The following SAMD4A variants were observed in gnomAD, a reference collection of about 807,000 sequenced individuals.
SAMD4A encodes the protein protein Smaug homolog 1.
In SAMD4A, 33 loss-of-function variants were observed where a neutral mutation model predicts 81.3. The observed-to-expected ratio is 0.41, with a 90% CI of 0.31 to 0.54. The LOEUF is 0.54. SAMD4A is among the 20% of genes least tolerant of loss of function. SAMD4A has a pLI of 0.37. For missense variants in SAMD4A, 854 were observed against 951.1 expected, an observed-to-expected ratio of 0.90 and a Z score of 1.34; for synonymous variants, 389 against 382.1, an observed-to-expected ratio of 1.02 and a Z score of -0.21.
chr14:54,662,285 A>G (rs955350769), intron 2 of SAMD4A, among the ~76,000 whole-genome samples: 3 of 152,176 alleles, frequency 2.0e-5, no homozygotes, highest in Middle Eastern at 3.2e-3. Flanking sequence ...ACTTGAAGGG[A>G]TAGAGGTCCA....
intron 2 of SAMD4A, among the ~76,000 whole-genome samples, chr14:54,673,866 C>G (rs1029234211): frequency 6.6e-6 from 1 of 152,218 alleles, no homozygotes; most frequent in African/African-American, 2.4e-5. Context: ...AACTTCAGAC[C>G]TCAGCTCATG....
At chr14:54,696,228 T>A (rs2036575070) in intron 2 of SAMD4A, among the ~76,000 whole-genome samples, 1 of 152,160 alleles carries the variant, frequency 6.6e-6, no homozygotes, top group Non-Finnish European at 1.5e-5. Flanking sequence ...ATGTTGGTAT[T>A]TTTGCCCTGA....
chr14:54,687,304 A>G, intron 2 of SAMD4A: 1 of 455,900 alleles, frequency 2.2e-6, no homozygotes, highest in Non-Finnish European at 4.4e-6. Context: ...TCTTACCTCA[A>G]AACTGCAGAC....
intron 2 of SAMD4A, among the ~76,000 whole-genome samples, chr14:54,629,154 GTAT>G (rs1355419095): frequency 1.3e-5 from 2 of 152,098 alleles, no homozygotes; most frequent in Non-Finnish European, 2.9e-5. Context: ...AGAGCACCAG[GTAT>G]TAATAATCAC....
In SAMD4A at chr14:54,666,950, G is replaced by A. The variant is rs552896835; in HGVS notation, c.197-35112G>A. 3.9e-5 allele frequency among the ~76,000 whole-genome samples: 6 copies of A among 152,150 alleles called. 1 individual carries two copies. The South Asian group carries it at 1.3e-3, about 32-fold the overall frequency. ...AAGTTAAATAAGTGTAACATTTTTG[G>A]TGGTCCTTTTCTTCACTTGAGCAGA... On this transcript the variant is annotated intron_variant, in intron 2 of 12. Transcript: ENST00000554335.
At chr14:54,681,206 G>A (rs558195790) in intron 2 of SAMD4A, among the ~76,000 whole-genome samples, 135 of 86,586 alleles carry the variant, frequency 1.6e-3, no homozygotes, top group African/African-American at 6.8e-3. Flanking sequence ...CCCCCCAACC[G>A]TGTGTCACTT....
At chr14:54,589,112 A>G (rs2033705583) in intron 2 of SAMD4A, among the ~76,000 whole-genome samples, 1 of 152,324 alleles carries the variant, frequency 6.6e-6, no homozygotes, top group East Asian at 1.9e-4. Flanking sequence ...CTTATCTTAG[A>G]AAGTTTTACA....
intron 2 of SAMD4A, among the ~76,000 whole-genome samples, chr14:54,604,779 A>G (rs774402440): frequency 6.6e-6 from 1 of 152,248 alleles, no homozygotes; most frequent in Non-Finnish European, 1.5e-5. Context: ...AAAAGAGTAT[A>G]TAACACTTAT....
At chr14:54,728,207 C>T (rs528367389) in intron 3 of SAMD4A, among the ~76,000 whole-genome samples, 2 of 152,246 alleles carry the variant, frequency 1.3e-5, no homozygotes, top group East Asian at 1.9e-4. Context: ...CAGAGAAGAA[C>T]GGTACGGTTT....
chr14:54,750,378 T>A (rs1247707339), intron 5 of SAMD4A, among the ~76,000 whole-genome samples: 1 of 152,248 alleles, frequency 6.6e-6, no homozygotes, highest in Admixed American at 6.5e-5. Flanking sequence ...AGAAGAATTC[T>A]ATGGAATAGT....
At chr14:54,779,288 C>T (rs955069805) in intron 11 of SAMD4A, among the ~76,000 whole-genome samples, 2 of 152,180 alleles carry the variant, frequency 1.3e-5, no homozygotes, top group Non-Finnish European at 2.9e-5. Context: ...TGTACATGAA[C>T]AGGAGTAATA....
At chr14:54,625,259 T>C (rs780654759) in intron 2 of SAMD4A, among the ~76,000 whole-genome samples, 31 of 152,234 alleles carry the variant, frequency 2.0e-4, no homozygotes, top group Non-Finnish European at 3.7e-4. Context: ...ATTTCAGCAG[T>C]TGGAGTAATG....
intron 2 of SAMD4A, among the ~76,000 whole-genome samples, chr14:54,690,848 C>T (rs1172193947): frequency 6.6e-6 from 1 of 152,218 alleles, no homozygotes; most frequent in Admixed American, 6.5e-5. Context: ...TGTCTTTCTC[C>T]TCACTGAGCC....
rs570756377 is a variant in SAMD4A, at chr14:54,764,486, T to G, written c.1542T>G (p.Asp514Glu). Residue 514 changes from aspartate to glutamate, a missense_variant, in exon 8 of 13, where the codon GAT becomes GAG. Asp to Glu is a conservative substitution (Grantham distance 45, BLOSUM62 2). Around this residue, in one of 3 missense-constraint regions of SAMD4A, gnomAD observed 428 missense variants for 471.2 expected, o/e 0.91. Transcript: ENST00000554335. Reference protein sequence around the residue: ...VCTQLLVSRPDEENISSYLQL... With the variant: ...VCTQLLVSRPEEENISSYLQL... ...CACAGCTCTTGGTCTCCAGACCTGA[T>G]GAGGAAAATATAAGTTCCTATTTAC... The G allele has an allele frequency of 2.3e-5, 37 of 1,612,542 alleles. No individual in the cohort carries two copies. Among genetic ancestry groups the G allele is most frequent in the Non-Finnish European group, 3.1e-5 (36 of 1,178,962 alleles).
chr14:54,737,542 CTTT>C (rs758410575), intron 4 of SAMD4A, among the ~76,000 whole-genome samples: 4 of 85,428 alleles, frequency 4.7e-5, no homozygotes, highest in African/African-American at 4.7e-5. Flanking sequence ...CTCTCTCTCT[CTTT>C]TTTTTTTTTT....
intron 2 of SAMD4A, chr14:54,668,950 G>C (rs540645894): frequency 6.6e-6 from 1 of 152,390 alleles, no homozygotes; most frequent in Non-Finnish European, 1.5e-5. Context: ...ATGACAGACA[G>C]GGAACTCTGA....
At chr14:54,775,830 G>A (rs1191629516) in intron 10 of SAMD4A, among the ~76,000 whole-genome samples, 1 of 151,818 alleles carries the variant, frequency 6.6e-6, no homozygotes, top group Non-Finnish European at 1.5e-5. Context: ...AGGGCTTCAG[G>A]CAAGACGGGC....
chr14:54,712,122 A>G (rs1038728186), intron 3 of SAMD4A, among the ~76,000 whole-genome samples: 14 of 152,164 alleles, frequency 9.2e-5, no homozygotes, highest in African/African-American at 3.4e-4. Flanking sequence ...CTTGGAACCT[A>G]AAAAGGAAGG....
chr14:54,715,187 G>C (rs2037088297), intron 3 of SAMD4A, among the ~76,000 whole-genome samples: 1 of 152,164 alleles, frequency 6.6e-6, no homozygotes, highest in African/African-American at 2.4e-5. Context: ...CAAGAGGGCA[G>C]AGTATTTGAA....
Sources: allele counts gnomAD v4.1 joint callset (sites outside exome capture counted in the v4.1 genomes callset), GRCh38; gene constraint gnomAD v4.1.1; regional missense constraint gnomAD v4.1.1; transcripts MANE v1.5; gene names NCBI Gene and HGNC (gene_info 2026-07-23, HGNC 2026-07-21).